Variants in CACNA2D1 observed in about 807,000 individuals in gnomAD.
CACNA2D1 encodes the protein calcium voltage-gated channel auxiliary subunit alpha2delta 1, also known as voltage-dependent calcium channel subunit alpha-2/delta-1.
In CACNA2D1, 53 loss-of-function variants were observed where a neutral mutation model predicts 171.5. That is an observed-to-expected ratio of 0.31 (90% CI 0.25 to 0.39). The LOEUF (loss-of-function observed/expected upper bound fraction) is 0.39, where lower values mean the gene tolerates loss of function less well. Among genes scored for constraint, CACNA2D1 ranks in the 10% least tolerant of loss-of-function variants. The pLI is 1.00. For missense variants in CACNA2D1, 903 were observed against 1,299.8 expected, an observed-to-expected ratio of 0.69 and a Z score of 4.69; for synonymous variants, 442 against 443.1, an observed-to-expected ratio of 1.00 and a Z score of 0.03.
intron 3 of CACNA2D1, among the ~76,000 whole-genome samples, chr7:82,273,348 T>C (rs1276100510): frequency 6.6e-6 from 1 of 151,904 alleles, no homozygotes; most frequent in Non-Finnish European, 1.5e-5. Flanking sequence ...GATTGATATT[T>C]GTGGTATTAA....
intron 3 of CACNA2D1, among the ~76,000 whole-genome samples, chr7:82,306,746 G>A (rs2129430143): frequency 6.6e-6 from 1 of 152,018 alleles, no homozygotes; most frequent in Non-Finnish European, 1.5e-5. Flanking sequence ...GTTATCTCTG[G>A]GACTTTCCAA....
At chr7:82,353,069 A>G (rs759948352) in intron 1 of CACNA2D1, among the ~76,000 whole-genome samples, 22 of 152,352 alleles carry the variant, frequency 1.4e-4, no homozygotes, top group Non-Finnish European at 2.9e-4. Context: ...AATTTCCCTG[A>G]CACTGAATGG....
intron 4 of CACNA2D1, among the ~76,000 whole-genome samples, chr7:82,153,857 A>C (rs1467675206): frequency 6.6e-6 from 1 of 151,352 alleles, no homozygotes; most frequent in African/African-American, 2.4e-5. Flanking sequence ...AAAAAAAAAC[A>C]CCCATTGAAC....
At chr7:81,997,974 T>A (rs1269022188) in intron 18 of CACNA2D1, among the ~76,000 whole-genome samples, 2 of 152,018 alleles carry the variant, frequency 1.3e-5, no homozygotes, top group African/African-American at 4.8e-5. Context: ...TGTATAATAA[T>A]AAAGAAAGAA....
At chr7:82,208,371 TA>T (rs1313154522) in intron 3 of CACNA2D1, among the ~76,000 whole-genome samples, 1 of 152,128 alleles carries the variant, frequency 6.6e-6, no homozygotes, top group African/African-American at 2.4e-5. Context: ...GAATTTACAT[TA>T]AAAAATATTC....
chr7:82,389,148 T>TTATATA (rs534487749), intron 1 of CACNA2D1, among the ~76,000 whole-genome samples: 5 of 141,578 alleles, frequency 3.5e-5, no homozygotes, highest in African/African-American at 1.1e-4. Flanking sequence ...ATATATATAT[T>TTATATA]TATATATATA....
At chr7:81,991,079 G>C in intron 21 of CACNA2D1, 106 bp downstream of exon 21, 2 of 678,316 alleles carry the variant, frequency 2.9e-6, no homozygotes, top group East Asian at 5.2e-5. Flanking sequence ...ATGTTTTCAT[G>C]TTGGGAACTT....
At chr7:82,111,994 A>G (rs1234020544) in intron 6 of CACNA2D1, among the ~76,000 whole-genome samples, 2 of 152,252 alleles carry the variant, frequency 1.3e-5, no homozygotes, top group Middle Eastern at 3.4e-3. Context: ...ACTAATATAT[A>G]TCAACTACTA....
intron 21 of CACNA2D1, among the ~76,000 whole-genome samples, chr7:81,985,217 TGGAGACAAGG>T (rs1796840312): frequency 6.7e-6 from 1 of 148,272 alleles, no homozygotes; most frequent in African/African-American, 2.5e-5. Context: ...TTTTTTTTTT[TGGAGACAAGG>T]TCTCACTCTA....
intron 1 of CACNA2D1, among the ~76,000 whole-genome samples, chr7:82,358,222 C>T (rs909664539): frequency 2.0e-5 from 3 of 152,130 alleles, no homozygotes; most frequent in Non-Finnish European, 2.9e-5. Flanking sequence ...ATATAATAAA[C>T]CATCCACAGT....
At chr7:82,218,529 T>C (rs1801418806) in intron 3 of CACNA2D1, among the ~76,000 whole-genome samples, 1 of 152,190 alleles carries the variant, frequency 6.6e-6, no homozygotes, top group Non-Finnish European at 1.5e-5. Context: ...CACCTTACTA[T>C]AAAATAGGAG....
chr7:82,261,783 T>C (rs890521033), intron 3 of CACNA2D1, among the ~76,000 whole-genome samples: 2 of 152,172 alleles, frequency 1.3e-5, no homozygotes, highest in Non-Finnish European at 2.9e-5. Flanking sequence ...TACTTTGGCA[T>C]TCCGTGTTAA....
chr7:82,291,661 A>ATTTTTTTTT, intron 3 of CACNA2D1, among the ~76,000 whole-genome samples: 1 of 135,744 alleles, frequency 7.4e-6, no homozygotes, highest in Non-Finnish European at 1.5e-5. Context: ...ATATATATAT[A>ATTTTTTTTT]TTTTTTTTTC....
At chr7:82,156,331 A>T (rs867537951) in intron 4 of CACNA2D1, among the ~76,000 whole-genome samples, 10 of 152,072 alleles carry the variant, frequency 6.6e-5, no homozygotes, top group African/African-American at 2.2e-4. Flanking sequence ...GGTATCAGTT[A>T]TCCCAGCAGG....
intron 2 of CACNA2D1, 27 bp from the exon 3 acceptor site, chr7:82,335,278 A>G (rs1292969245): frequency 1.6e-6 from 2 of 1,272,084 alleles, no homozygotes; most frequent in Non-Finnish European, 2.3e-6. Context: ...AAAAACTAGT[A>G]AGAACAATAG....
intron 3 of CACNA2D1, among the ~76,000 whole-genome samples, chr7:82,225,416 T>C (rs76627612): frequency 0.012 from 1,815 of 152,302 alleles, 29 homozygotes; most frequent in African/African-American, 0.041. Flanking sequence ...TTCTACCTAC[T>C]ACCTACCAGA....
At chr7:81,964,020 T>A (rs770824047) in intron 34 of CACNA2D1, 36 bp downstream of exon 34, 2 of 1,563,794 alleles carry the variant, frequency 1.3e-6, no homozygotes, top group Admixed American at 3.4e-5. Flanking sequence ...ACAACTTCTT[T>A]CTTTCATTAC....
At chr7:81,984,019 A>G (rs1459490478) in intron 22 of CACNA2D1, among the ~76,000 whole-genome samples, 3 of 152,212 alleles carry the variant, frequency 2.0e-5, no homozygotes, top group African/African-American at 7.2e-5. Flanking sequence ...AATAACTTGA[A>G]GTATGCACTA....
At chr7:82,340,113 A>C (rs1219273087) in intron 2 of CACNA2D1, among the ~76,000 whole-genome samples, 1 of 152,174 alleles carries the variant, frequency 6.6e-6, no homozygotes, top group African/African-American at 2.4e-5. Context: ...ATGAATCTGC[A>C]TTGTTTTAAA....
Sources: gnomAD v4.1 joint callset for allele counts (sites outside exome capture counted in the v4.1 genomes callset) on GRCh38, gnomAD v4.1.1 for gene constraint, MANE v1.5 for transcripts, NCBI Gene and HGNC (gene_info 2026-07-23, HGNC 2026-07-21) for gene names.